IMMP2L: variants seen among roughly 807,000 people sequenced by gnomAD.
IMMP2L encodes the protein inner mitochondrial membrane peptidase subunit 2, also known as mitochondrial inner membrane protease subunit 2.
Under a neutral mutation model 19.3 loss-of-function variants are expected in IMMP2L, and 18 were observed. That is an observed-to-expected ratio of 0.93 (90% CI 0.64 to 1.38). The LOEUF is 1.38. Ranked by LOEUF, IMMP2L falls within the 40% of genes most tolerant of loss-of-function variation. The pLI, the probability that IMMP2L is intolerant of heterozygous loss-of-function variation, is 0.00. For missense variants in IMMP2L, 233 were observed against 218.2 expected (o/e 1.07, Z -0.43); for synonymous variants, 76 against 73.0 (o/e 1.04, Z -0.21).
At chr7:110,808,449 C>T (rs1261722340) in intron 5 of IMMP2L, among the ~76,000 whole-genome samples, 2 of 152,032 alleles carry the variant, frequency 1.3e-5, no homozygotes, top group South Asian at 2.1e-4. Flanking sequence ...AATGCAGTCA[C>T]TAAAAGGCTA....
At chr7:111,395,603 T>C (rs1382528676) in intron 3 of IMMP2L, among the ~76,000 whole-genome samples, 4 of 152,192 alleles carry the variant, frequency 2.6e-5, no homozygotes, top group Non-Finnish European at 4.4e-5. Context: ...ATATGTAATC[T>C]TTCTTTATTC....
chr7:111,000,371 C>T (rs1171935501), intron 3 of IMMP2L, among the ~76,000 whole-genome samples: 1 of 152,130 alleles, frequency 6.6e-6, no homozygotes, highest in Non-Finnish European at 1.5e-5. Context: ...TCAACTTAGA[C>T]ATGATAACAC....
At chr7:111,538,146 G>A (rs1434513192) in intron 1 of IMMP2L, among the ~76,000 whole-genome samples, 1 of 152,072 alleles carries the variant, frequency 6.6e-6, no homozygotes, top group Non-Finnish European at 1.5e-5. Flanking sequence ...CTAATCAGTT[G>A]TGAGTTCTGC....
At chr7:111,058,941 T>G (rs1793757080) in intron 3 of IMMP2L, among the ~76,000 whole-genome samples, 1 of 152,168 alleles carries the variant, frequency 6.6e-6, no homozygotes, top group Non-Finnish European at 1.5e-5. Context: ...TTTTCCTTCC[T>G]TATGCCTCCT....
At chr7:111,107,237 TAGAC>T (rs1435400247) in intron 3 of IMMP2L, among the ~76,000 whole-genome samples, 3 of 152,024 alleles carry the variant, frequency 2.0e-5, no homozygotes, top group Admixed American at 6.6e-5. Flanking sequence ...ACTTTCTTTT[TAGAC>T]AGACTTTGAA....
At chr7:110,738,604 T>C (rs1487997515) in intron 5 of IMMP2L, among the ~76,000 whole-genome samples, 3 of 152,200 alleles carry the variant, frequency 2.0e-5, no homozygotes, top group Non-Finnish European at 4.4e-5. Flanking sequence ...ATAATTGGTG[T>C]TTCCACAGAA....
intron 3 of IMMP2L, among the ~76,000 whole-genome samples, chr7:111,113,756 G>A (rs934707731): frequency 2.0e-5 from 3 of 152,108 alleles, no homozygotes; most frequent in Non-Finnish European, 4.4e-5. Flanking sequence ...CACAATGTAA[G>A]TCTGTCTCCT....
chr7:111,196,741 T>A (rs1272542416), intron 3 of IMMP2L, among the ~76,000 whole-genome samples: 1 of 152,182 alleles, frequency 6.6e-6, no homozygotes, highest in East Asian at 1.9e-4. Flanking sequence ...TGTTAATGGT[T>A]CCTTCAAAAT....
rs60827428 is a variant in IMMP2L at position 110,873,429 on chromosome 7, C to CAAAAAAAA, written c.408+13156_408+13163dup. Among the ~76,000 whole-genome samples the CAAAAAAAA allele has an allele frequency of 2.4e-4, 7 of 28,946 alleles. 1 individual carries two copies. The highest frequency in any genetic ancestry group is 2.9e-4 in the Non-Finnish European group (4 of 13,980). The allele number at this position is 28,946 out of a possible 152,430, so 19.0% of individuals were successfully genotyped here. A position where few individuals can be genotyped will look rare whatever the true frequency, so the allele number is the denominator to read the frequency against. ...TGGGAGACAGAGCAAGACTCTATCTCAAAAAAAAAAAAAAAAAAAAAAAAA... is the reference window on the plus strand; with the variant it reads ...TGGGAGACAGAGCAAGACTCTATCTCAAAAAAAAAAAAAAAAAAAAAAAAAAAAAAAAA... On this transcript the variant is annotated intron_variant, in intron 5 of 5. Transcript: ENST00000405709.
chr7:111,458,744 A>G (rs989959348), intron 3 of IMMP2L, among the ~76,000 whole-genome samples: 1 of 152,106 alleles, frequency 6.6e-6, no homozygotes, highest in Non-Finnish European at 1.5e-5. Context: ...CTGCTTCCAC[A>G]AGATCAACTA....
intron 3 of IMMP2L, among the ~76,000 whole-genome samples, chr7:111,097,857 T>C (rs535364358): frequency 6.6e-6 from 1 of 151,922 alleles, no homozygotes; most frequent in East Asian, 1.9e-4. Context: ...CAGGAAATAA[T>C]TTCAATATAT....
intron 5 of IMMP2L, among the ~76,000 whole-genome samples, chr7:110,821,480 T>A (rs945161707): frequency 6.6e-6 from 1 of 152,108 alleles, no homozygotes; most frequent in African/African-American, 2.4e-5. Context: ...ATAAAAAAAA[T>A]GTGATCCTTA....
intron 5 of IMMP2L, among the ~76,000 whole-genome samples, chr7:110,750,914 G>T (rs1259232017): frequency 3.3e-5 from 5 of 152,000 alleles, no homozygotes; most frequent in African/African-American, 1.2e-4. Context: ...GAAAATCCAT[G>T]ATGAACAAAA....
chr7:111,040,873 G>A (rs755861306), intron 3 of IMMP2L, among the ~76,000 whole-genome samples: 36 of 151,464 alleles, frequency 2.4e-4, no homozygotes, highest in Non-Finnish European at 3.5e-4. Context: ...ATAAAGCATG[G>A]TATGATAAAT....
rs1300017618 is a variant in IMMP2L at position 110,758,966 on chromosome 7, C to T, written c.409-95245G>A. 6.6e-6 allele frequency among the ~76,000 whole-genome samples: 1 copy of T among 152,048 alleles called. No individual in the cohort carries two copies. The highest frequency in any genetic ancestry group is 2.4e-5 in the African/African-American group (1 of 41,426). Reference sequence around the variant, plus strand: ...GTGGAGATCTTTTCACAGTCTGTTACCCGATTTTGTTAACCTTAAATTTCC... The same window carrying T: ...GTGGAGATCTTTTCACAGTCTGTTATCCGATTTTGTTAACCTTAAATTTCC... On this transcript the variant is annotated intron_variant, in intron 5 of 5. Coordinates refer to ENST00000405709, the MANE Select transcript of IMMP2L (RefSeq NM_032549.4). This position sits in a 1 kb window ranked among gnomAD's most constrained non-coding sequence, Gnocchi z 4.6.
chr7:111,116,056 A>C (rs1029994139), intron 3 of IMMP2L, among the ~76,000 whole-genome samples: 4 of 152,226 alleles, frequency 2.6e-5, no homozygotes, highest in Non-Finnish European at 4.4e-5. Context: ...AAGATAAAAC[A>C]TCCAAGATTC....
intron 3 of IMMP2L, among the ~76,000 whole-genome samples, chr7:111,334,155 T>C (rs1321876236): frequency 6.6e-6 from 1 of 151,958 alleles, no homozygotes; most frequent in Non-Finnish European, 1.5e-5. Context: ...TTTTTAAGTG[T>C]ATAATTTGGT....
intron 5 of IMMP2L, among the ~76,000 whole-genome samples, chr7:110,842,187 C>T (rs1805157605): frequency 6.6e-6 from 1 of 152,120 alleles, no homozygotes; most frequent in Non-Finnish European, 1.5e-5. Flanking sequence ...TTTTTTTCCT[C>T]TCCACTTTTG....
At chr7:110,946,910 T>C (rs934976266) in intron 4 of IMMP2L, among the ~76,000 whole-genome samples, 3 of 151,844 alleles carry the variant, frequency 2.0e-5, no homozygotes, top group African/African-American at 4.8e-5. Flanking sequence ...TTAGTAGAGA[T>C]GGAGTTTCAC....
Sources: allele counts gnomAD v4.1 joint callset (sites outside exome capture counted in the v4.1 genomes callset), GRCh38; gene constraint gnomAD v4.1.1; non-coding constraint Gnocchi (gnomAD v3.1); transcripts MANE v1.5; gene names NCBI Gene and HGNC (gene_info 2026-07-23, HGNC 2026-07-21).